SYT16: variants seen among roughly 807,000 people sequenced by gnomAD.
The protein encoded by SYT16 is synaptotagmin 16, also known as synaptotagmin-16.
SYT16 carries 42 observed loss-of-function variants against 61.4 expected under a neutral mutation model. The ratio of observed to expected loss-of-function variants is 0.68; its 90% confidence interval spans 0.53 to 0.89. SYT16 has a LOEUF of 0.89. Among genes scored for constraint, SYT16 ranks in the 40% least tolerant of loss-of-function variants. The pLI is 0.00. For synonymous variants in SYT16, 314 were observed against 302.3 expected (o/e 1.04, Z -0.40); for missense variants, 804 against 807.3 (o/e 1.00, Z 0.05).
At chr14:62,022,635 C>CAG (rs931126127) in intron 3 of SYT16, among the ~76,000 whole-genome samples, 8 of 151,772 alleles carry the variant, frequency 5.3e-5, no homozygotes, top group African/African-American at 1.5e-4. Flanking sequence ...CACACACACA[C>CAG]ACAGACATAT....
At chr14:61,934,977 A>T (rs1038186528) in intron 1 of SYT16, among the ~76,000 whole-genome samples, 12 of 152,028 alleles carry the variant, frequency 7.9e-5, no homozygotes, top group Non-Finnish European at 1.5e-4. Context: ...CTTCCTTTTT[A>T]TTTTCAAAAT....
At chr14:61,988,554 T>G (rs2052416810) in intron 2 of SYT16, among the ~76,000 whole-genome samples, 1 of 152,262 alleles carries the variant, frequency 6.6e-6, no homozygotes. Context: ...CAACTTTTAT[T>G]GAGCCAGTCC....
At chr14:61,897,003 T>A (rs1242710283) in intron 1 of SYT16, among the ~76,000 whole-genome samples, 3 of 152,256 alleles carry the variant, frequency 2.0e-5, no homozygotes, top group Non-Finnish European at 4.4e-5. Flanking sequence ...TTTGTTCCAC[T>A]GTCTGCTTTG....
rs183517326 is a variant in SYT16, at chr14:61,842,995, A to C, written c.-325+30185A>C. On this transcript the variant is annotated intron_variant, in intron 1 of 7. Transcript: ENST00000683842. ...ATCCACGCATCTGTGATGGACACTTAGGTTGCTTCCAAATTGTGGATATTA... is the reference window on the plus strand; with the variant it reads ...ATCCACGCATCTGTGATGGACACTTCGGTTGCTTCCAAATTGTGGATATTA... Among the ~76,000 whole-genome samples, 323 of 152,318 alleles carry C rather than the reference A, an allele frequency of 2.1e-3. 1 individual carries two copies. Among genetic ancestry groups the C allele is most frequent in the African/African-American group, 7.5e-3 (313 of 41,576 alleles).
rs374530378 is a variant in SYT16 at position 61,861,702 on chromosome 14, G to A, written c.-325+48892G>A. ...TTACAGGTATGGGCCACCATGCCCA[G>A]CCTGTTTGATAGAATTCTTACATAG... On this transcript the variant is annotated intron_variant, in intron 1 of 7. Transcript: ENST00000683842. Among the ~76,000 whole-genome samples, 215 of 152,222 alleles carry A rather than the reference G, an allele frequency of 1.4e-3. 8 individuals carry two copies. In the South Asian group the frequency reaches 0.044, roughly 31 times the overall value.
At chr14:61,931,478 A>G (rs2049764583) in intron 1 of SYT16, among the ~76,000 whole-genome samples, 1 of 152,166 alleles carries the variant, frequency 6.6e-6, no homozygotes, top group Non-Finnish European at 1.5e-5. Context: ...GATTATTTTT[A>G]TTATTTTGAT....
chr14:61,824,435 C>G (rs917426828), intron 1 of SYT16, among the ~76,000 whole-genome samples: 11 of 152,100 alleles, frequency 7.2e-5, no homozygotes, highest in Non-Finnish European at 2.9e-5. Context: ...TCACTGCAAC[C>G]TCCACCTCCC....
intron 1 of SYT16, among the ~76,000 whole-genome samples, chr14:61,947,251 T>C (rs900547096): frequency 2.7e-5 from 4 of 149,296 alleles, no homozygotes; most frequent in Non-Finnish European, 4.5e-5. Context: ...TCTTTTGGCC[T>C]CTGACTTTAG....
intron 1 of SYT16, among the ~76,000 whole-genome samples, chr14:61,932,562 A>G (rs1157156891): frequency 6.6e-6 from 1 of 152,162 alleles, no homozygotes; most frequent in Non-Finnish European, 1.5e-5. Context: ...TGAGAACAAC[A>G]TGGGGGAAAC....
chr14:62,082,127 G>A (rs1205107086), intron 6 of SYT16, among the ~76,000 whole-genome samples: 1 of 152,138 alleles, frequency 6.6e-6, no homozygotes, highest in African/African-American at 2.4e-5. Context: ...TCGAGAGAGC[G>A]AGGCTGGTGC....
intron 7 of SYT16, 42 bp from the exon 8 acceptor site, chr14:62,100,352 G>A: frequency 3.3e-6 from 5 of 1,497,138 alleles, no homozygotes; most frequent in Non-Finnish European, 4.5e-6. Flanking sequence ...GAGCACTAAT[G>A]TTTCTTATCA....
At chr14:62,093,962 A>G (rs2057180375) in intron 7 of SYT16, among the ~76,000 whole-genome samples, 1 of 152,092 alleles carries the variant, frequency 6.6e-6, no homozygotes, top group South Asian at 2.1e-4. Context: ...TCAGACATAC[A>G]GGCACTCCCC....
At chr14:61,838,573 A>C (rs1333942958) in intron 1 of SYT16, among the ~76,000 whole-genome samples, 3 of 152,126 alleles carry the variant, frequency 2.0e-5, no homozygotes, top group Non-Finnish European at 4.4e-5. Flanking sequence ...TCTTAAATTC[A>C]TTCCTTTCCT....
At chr14:62,029,013 C>T (rs1281671452) in intron 3 of SYT16, among the ~76,000 whole-genome samples, 1 of 152,186 alleles carries the variant, frequency 6.6e-6, no homozygotes, top group African/African-American at 2.4e-5. Flanking sequence ...GCTATCCTAT[C>T]CCTCAGTGCA....
intron 3 of SYT16, among the ~76,000 whole-genome samples, chr14:62,055,967 G>A (rs2055535243): frequency 6.6e-6 from 1 of 151,802 alleles, no homozygotes; most frequent in Non-Finnish European, 1.5e-5. Flanking sequence ...CTTGGAGTCC[G>A]ACGTTCAAGG....
At chr14:62,056,174 G>A (rs1010133161) in intron 3 of SYT16, among the ~76,000 whole-genome samples, 1 of 151,880 alleles carries the variant, frequency 6.6e-6, no homozygotes, top group Non-Finnish European at 1.5e-5. Context: ...GGAACATCAC[G>A]ACGTTTGATT....
At chr14:62,013,963 C>CA (rs555395324) in intron 3 of SYT16, among the ~76,000 whole-genome samples, 7,771 of 129,012 alleles carry the variant, frequency 0.06, 237 homozygotes, top group Non-Finnish European at 0.08. Context: ...GATTCCATCT[C>CA]AAAAAAAAAA....
chr14:61,853,949 A>G (rs2046694722), intron 1 of SYT16, among the ~76,000 whole-genome samples: 1 of 152,220 alleles, frequency 6.6e-6, no homozygotes, highest in Non-Finnish European at 1.5e-5. Context: ...CTCTATATAC[A>G]TGCATATTGA....
At chr14:62,032,910 A>G (rs769415511) in intron 3 of SYT16, among the ~76,000 whole-genome samples, 2 of 152,028 alleles carry the variant, frequency 1.3e-5, no homozygotes, top group Admixed American at 6.6e-5. Flanking sequence ...GTATAAACCC[A>G]TCTGAATTGG....
Sources: gnomAD v4.1 joint callset for allele counts (sites outside exome capture counted in the v4.1 genomes callset) on GRCh38, gnomAD v4.1.1 for gene constraint, MANE v1.5 for transcripts, NCBI Gene and HGNC (gene_info 2026-07-23, HGNC 2026-07-21) for gene names.